PTPN6: variants seen among roughly 807,000 people sequenced by gnomAD.
PTPN6 encodes the protein tyrosine-protein phosphatase non-receptor type 6.
A neutral mutation model predicts 81.5 loss-of-function variants in PTPN6; 18 were observed. The observed-to-expected ratio is 0.22, with a 90% CI of 0.15 to 0.33. PTPN6 has a LOEUF of 0.33. Among genes scored for constraint, PTPN6 ranks in the 10% least tolerant of loss-of-function variants. PTPN6 has a pLI of 1.00. For missense variants in PTPN6, 500 were observed against 794.2 expected (o/e 0.63, Z 4.45); for synonymous variants, 301 against 310.9 (o/e 0.97, Z 0.33).
upstream of PTPN6, among the ~76,000 whole-genome samples, chr12:6,948,893 C>T (rs890539384): frequency 6.7e-6 from 1 of 148,816 alleles, no homozygotes; most frequent in African/African-American, 2.5e-5. Context: ...TGCAGTGAGC[C>T]GAGATTGCGT....
Position 6,954,609 on chromosome 12 carries a change from T to C in PTPN6, c.327-196T>C, listed in dbSNP as rs1408526750. ...AGCTCAGCGTCAGTTTCCTCATCTA[T>C]AAAATGGGGGTAATATCATACCTAG... On this transcript the variant is annotated intron_variant, in intron 3 of 15. Transcript: ENST00000318974. This position sits in a 1 kb window ranked among gnomAD's most constrained non-coding sequence, Gnocchi z 5.4. Among the ~76,000 whole-genome samples, 3 of 152,180 alleles carry C rather than the reference T, an allele frequency of 2.0e-5. No individual in the cohort carries two copies. Among genetic ancestry groups the C allele is most frequent in the African/African-American group, 4.8e-5 (2 of 41,440 alleles).
rs1395295436 is a variant in PTPN6 at position 6,955,086 on chromosome 12, T to G, written c.517-65T>G. 7 of 1,609,310 alleles carry G rather than the reference T, an allele frequency of 4.3e-6. No homozygotes were observed. The highest frequency in any genetic ancestry group is 6.0e-6 in the Non-Finnish European group (7 of 1,175,694). On this transcript the variant is annotated intron_variant, in intron 4 of 15. Coordinates refer to ENST00000318974, the MANE Select transcript of PTPN6 (RefSeq NM_002831.6). The surrounding 1 kb of genome is among the most constrained non-coding windows in gnomAD (Gnocchi z 7.2). ...AGGGAGGGTCTGCCTGGGCTTGAAT[T>G]CAAGGCTGGGGACCCAGGGAGGGAG... is the stretch of plus-strand genomic sequence containing the variant.
Position 6,955,080 on chromosome 12 carries a change from T to G in PTPN6, c.517-71T>G. 1 of 1,608,836 alleles carries G rather than the reference T, an allele frequency of 6.2e-7. No individual in the cohort carries two copies. ...GGTGGCAGGGAGGGTCTGCCTGGGC[T>G]TGAATTCAAGGCTGGGGACCCAGGG... On this transcript the variant is annotated intron_variant, in intron 4 of 15. Transcript: ENST00000318974. The surrounding 1 kb of genome is among the most constrained non-coding windows in gnomAD (Gnocchi z 7.2).
At chr12:6,946,734 C>T (rs782227158), upstream of PTPN6, 1 of 1,612,428 alleles carries the variant, frequency 6.2e-7, no homozygotes, top group South Asian at 1.1e-5. Flanking sequence ...AGATGCTGTC[C>T]CGTGGGTAAG....
upstream of PTPN6, chr12:6,946,681 G>A: frequency 1.9e-6 from 3 of 1,567,924 alleles, no homozygotes; most frequent in Non-Finnish European, 2.6e-6. Flanking sequence ...GCTCAGCCCC[G>A]CCCCCTGCGG....
upstream of PTPN6, chr12:6,951,289 C>T (rs1441814378): frequency 1.6e-5 from 24 of 1,469,022 alleles, no homozygotes; most frequent in Non-Finnish European, 2.1e-5. This position sits in a 1 kb window ranked among gnomAD's most constrained non-coding sequence, Gnocchi z 7.2. Context: ...ACGAGAAGTA[C>T]AAGTGAGTTC....
In PTPN6 at chr12:6,956,106, C is replaced by T; in HGVS notation, c.845-36C>T. 4 of 1,610,010 alleles carry T rather than the reference C, an allele frequency of 2.5e-6. No homozygotes were observed. The highest frequency in any genetic ancestry group is 1.7e-5 in the Admixed American group (1 of 60,006). ...CCAGGTGTGGTGAGTCCCTGGCTAA[C>T]CCAGACCATCTCGCCTCCTCTCCGC... On this transcript the variant is annotated intron_variant, in intron 7 of 15. Transcript: ENST00000318974. This position sits in a 1 kb window ranked among gnomAD's most constrained non-coding sequence, Gnocchi z 4.1.
Position 6,960,833 on chromosome 12 carries a change from G to T in PTPN6, c.1701G>T (p.Leu567=). ...SKHKEDVYEN[L]HTKNKREEKV... Reference sequence around the variant, plus strand: ...ACAAGGAGGATGTGTATGAGAACCTGCACACTAAGAACAAGAGGGAGGAGA... The same window carrying T: ...ACAAGGAGGATGTGTATGAGAACCTTCACACTAAGAACAAGAGGGAGGAGA... The change falls in exon 15 of 16, where the codon CTG becomes CTT. Residue 567 remains leucine, a synonymous_variant. Coordinates refer to ENST00000318974, the MANE Select transcript of PTPN6 (RefSeq NM_002831.6). This position sits in a 1 kb window ranked among gnomAD's most constrained non-coding sequence, Gnocchi z 6.1. The T allele has an allele frequency of 6.4e-7, 1 of 1,574,328 alleles. No individual in the cohort carries two copies. Among genetic ancestry groups the T allele is most frequent in the Non-Finnish European group, 8.6e-7 (1 of 1,159,278 alleles).
Position 6,952,474 on chromosome 12 carries a change from G to A in PTPN6, c.326+297G>A, listed in dbSNP as rs1011138627. On this transcript the variant is annotated intron_variant, in intron 3 of 15. Transcript: ENST00000318974. The surrounding 1 kb of genome is among the most constrained non-coding windows in gnomAD (Gnocchi z 8.1). Reference sequence around the variant, plus strand: ...TCCCACTGGAGACAGGGAGGCCACTGCTGGTGGCCAGCATGTCGTGCAGGC... The same window carrying A: ...TCCCACTGGAGACAGGGAGGCCACTACTGGTGGCCAGCATGTCGTGCAGGC... 10 of 508,916 alleles carry A rather than the reference G, an allele frequency of 2.0e-5. No homozygotes were observed. The highest frequency in any genetic ancestry group is 3.2e-5 in the Non-Finnish European group (9 of 278,892). 31.5% of individuals were successfully genotyped at this position (508,916 alleles called of 1,614,324 possible).
At chr12:6,948,015 G>T (rs1945857286), upstream of PTPN6, among the ~76,000 whole-genome samples, 1 of 152,042 alleles carries the variant, frequency 6.6e-6, no homozygotes, top group African/African-American at 2.4e-5. Context: ...ACGAGATGAG[G>T]TGGCGCACGT....
chr12:6,956,392 G>T lies in PTPN6; in HGVS notation c.925-27G>T, dbSNP rs370237375. The T allele has an allele frequency of 2.4e-5, 39 of 1,614,006 alleles. No individual in the cohort carries two copies. The highest frequency in any genetic ancestry group is 2.5e-6 in the Non-Finnish European group (3 of 1,180,036). On this transcript the variant is annotated intron_variant, in intron 8 of 15. Transcript: ENST00000318974. This position sits in a 1 kb window ranked among gnomAD's most constrained non-coding sequence, Gnocchi z 4.1. ...TGGGCCAAGGGGCTCACTGTCTTGG[G>T]GTGCGTCTCTCCACGCTTGCGTCCA...
upstream of PTPN6, chr12:6,946,746 C>T (rs374356168): frequency 1.2e-6 from 2 of 1,611,542 alleles, no homozygotes; most frequent in South Asian, 2.2e-5. Flanking sequence ...GTGGGTAAGT[C>T]CCGGGCACCA....
rs782655695 is a variant in PTPN6, at chr12:6,956,968, T to C, written c.1074+400T>C. Among the ~76,000 whole-genome samples, 8 of 152,284 alleles carry C rather than the reference T, an allele frequency of 5.3e-5. No individual in the cohort carries two copies. Among genetic ancestry groups the C allele is most frequent in the Non-Finnish European group, 1.2e-4 (8 of 68,018 alleles). On this transcript the variant is annotated intron_variant, in intron 9 of 15. Coordinates refer to ENST00000318974, the MANE Select transcript of PTPN6 (RefSeq NM_002831.6). This position sits in a 1 kb window ranked among gnomAD's most constrained non-coding sequence, Gnocchi z 4.1. Reference sequence around the variant, plus strand: ...ACACAAACTGGGTCAAGTTCCTTCCTTTCTGAAATCTCTTCCATGGCTCCT... The same window carrying C: ...ACACAAACTGGGTCAAGTTCCTTCCCTTCTGAAATCTCTTCCATGGCTCCT...
Position 6,955,804 on chromosome 12 carries a change from A to G in PTPN6, c.844+48A>G, listed in dbSNP as rs374730285. ...TCACCCAGGATACCGCCCCTGCCCC[A>G]GCTGCCTCCCCTCATCTCACAGGTC... On this transcript the variant is annotated intron_variant, in intron 7 of 15. Coordinates refer to ENST00000318974, the MANE Select transcript of PTPN6 (RefSeq NM_002831.6). This position sits in a 1 kb window ranked among gnomAD's most constrained non-coding sequence, Gnocchi z 7.2. 1.5e-5 allele frequency: 23 copies of G among 1,549,488 alleles called. No homozygotes were observed. In the East Asian group the frequency reaches 4.7e-4, roughly 32 times the overall value.
In PTPN6 at chr12:6,957,143, T is replaced by C. The variant is rs1946045879; in HGVS notation, c.1075-511T>C. Among the ~76,000 whole-genome samples, 6 of 152,242 alleles carry C rather than the reference T, an allele frequency of 3.9e-5. No homozygotes were observed. Among genetic ancestry groups the C allele is most frequent in the Admixed American group, 3.9e-4 (6 of 15,294 alleles). On this transcript the variant is annotated intron_variant, in intron 9 of 15. Coordinates refer to ENST00000318974, the MANE Select transcript of PTPN6 (RefSeq NM_002831.6). The surrounding 1 kb of genome is among the most constrained non-coding windows in gnomAD (Gnocchi z 6.5). ...AGCCTTTCTTTGCACAAGCTCATTT[T>C]CTGCTAGGAAATGACTCTCTCCACA...
In PTPN6 at chr12:6,959,196, C is replaced by T. The variant is rs1946084758; in HGVS notation, c.1362-731C>T. ...GGACAGGCCCATCCCCGAGAGCTAC[C>T]CTCCTGCTCACCCGCCACACACACA... On this transcript the variant is annotated intron_variant, in intron 11 of 15. Transcript: ENST00000318974. This position sits in a 1 kb window ranked among gnomAD's most constrained non-coding sequence, Gnocchi z 6.6. 1 of 153,748 alleles carries T rather than the reference C, an allele frequency of 6.5e-6. No homozygotes were observed. The highest frequency in any genetic ancestry group is 1.4e-5 in the Non-Finnish European group (1 of 69,072). The allele number at this position is 153,748 out of a possible 1,614,324, so 9.5% of individuals were successfully genotyped here.
intron 3 of PTPN6, among the ~76,000 whole-genome samples, chr12:6,953,946 C>T (rs1945973988): frequency 6.6e-6 from 1 of 152,186 alleles, no homozygotes; most frequent in South Asian, 2.1e-4. Flanking sequence ...CTGAGGAAAC[C>T]TCACAACCTC....
chr12:6,956,190 G>T lies in PTPN6; in HGVS notation c.893G>T (p.Gly298Val). The change falls in exon 8 of 16, where the codon GGG becomes GTG. Residue 298 changes from glycine to valine, a missense_variant. Physicochemically the swap from Gly to Val is moderately radical, Grantham distance 109. This residue lies in a region of PTPN6 where 226 missense variants were observed against 364.4 expected (regional missense o/e 0.62). Coordinates refer to ENST00000318974, the MANE Select transcript of PTPN6 (RefSeq NM_002831.6). The surrounding 1 kb of genome is among the most constrained non-coding windows in gnomAD (Gnocchi z 4.1). ...CAGGGACGGGACAGTAACATCCCCG[G>T]GTCCGACTACATCAATGCCAACTAC... ...ILQGRDSNIP[G>V]SDYINANYIK... The T allele has an allele frequency of 6.2e-7, 1 of 1,614,150 alleles. No homozygotes were observed. Among genetic ancestry groups the T allele is most frequent in the Non-Finnish European group, 8.5e-7 (1 of 1,180,024 alleles).
At chr12:6,958,183 C>A in intron 11 of PTPN6, 110 bp downstream of exon 11, 1 of 1,418,684 alleles carries the variant, frequency 7.0e-7, no homozygotes, top group Non-Finnish European at 9.6e-7. Context: ...TGAGTGCCCT[C>A]CGCTCACCCC....
Sources: gnomAD v4.1 joint callset for allele counts (sites outside exome capture counted in the v4.1 genomes callset) on GRCh38, gnomAD v4.1.1 for gene constraint, gnomAD v4.1.1 regional missense constraint, Gnocchi (gnomAD v3.1) non-coding constraint, MANE v1.5 for transcripts, NCBI Gene and HGNC (gene_info 2026-07-23, HGNC 2026-07-21) for gene names.